Variants in KLHL31 observed in about 807,000 individuals in gnomAD.
KLHL31 encodes kelch-like protein 31.
A neutral mutation model predicts 47.1 loss-of-function variants in KLHL31; 32 were observed. The ratio of observed to expected loss-of-function variants is 0.68; its 90% CI spans 0.51 to 0.91. The LOEUF is 0.91. KLHL31 is among the 40% of genes least tolerant of loss of function. The pLI, the probability that KLHL31 is intolerant of heterozygous loss-of-function variation, is 0.00. For synonymous variants in KLHL31, 330 were observed against 325.1 expected (o/e 1.01, Z -0.16); for missense variants, 797 against 819.3 (o/e 0.97, Z 0.33).
chr6:53,659,007 A>G (rs908793177), intron 1 of KLHL31, among the ~76,000 whole-genome samples: 1 of 152,228 alleles, frequency 6.6e-6, no homozygotes, highest in Non-Finnish European at 1.5e-5. Flanking sequence ...TCTAATGAGG[A>G]GCCTGTAACA....
intron 1 of KLHL31, among the ~76,000 whole-genome samples, chr6:53,657,778 G>A (rs545050949): frequency 2.0e-5 from 3 of 152,102 alleles, no homozygotes; most frequent in African/African-American, 7.2e-5. Context: ...TATTGTATTT[G>A]CTCCTGTTCC....
At position 53,648,584 on chromosome 6, in the gene KLHL31, C is replaced by G. The variant is rs1764425480; in HGVS notation, c.*3014G>C. The G allele has an allele frequency of 1.3e-5, 2 of 152,162 alleles. No homozygotes were observed. Among genetic ancestry groups the G allele is most frequent in the African/African-American group, 2.4e-5 (1 of 41,440 alleles). The allele number at this position is 152,162 out of a possible 1,614,324, so 9.4% of individuals were successfully genotyped here. A position where few individuals can be genotyped will look rare whatever the true frequency, so the allele number is the denominator to read the frequency against. On this transcript the variant is annotated 3_prime_UTR_variant, in exon 3 of 3. Transcript: ENST00000370905. ...TTAAATCATAGAACCATTCAGTACT[C>G]ACTTCCTCATGACATCAATTATACC...
At position 53,654,482 on chromosome 6, in the gene KLHL31, G is replaced by A. The variant is rs114471301; in HGVS notation, c.791C>T (p.Ser264Phe). 1.2e-6 allele frequency: 2 copies of A among 1,614,198 alleles called. No individual in the cohort carries two copies. Among genetic ancestry groups the A allele is most frequent in the East Asian group, 2.2e-5 (1 of 44,886 alleles). ...LLSNIRFGTI[S>F]AQDLVNYVQS... Reference sequence around the variant, plus strand: ...AACATAATTGACCAGGTCTTGTGCAGAGATGGTACCAAAGCGAATATTGCT... The same window carrying A: ...AACATAATTGACCAGGTCTTGTGCAAAGATGGTACCAAAGCGAATATTGCT... Residue 264 changes from serine (S) to phenylalanine (F), a missense_variant, in exon 2 of 3, where the codon TCT becomes TTT. Transcript: ENST00000370905.
intron 2 of KLHL31, among the ~76,000 whole-genome samples, chr6:53,652,556 C>G (rs1764492979): frequency 6.6e-6 from 1 of 152,182 alleles, no homozygotes; most frequent in Non-Finnish European, 1.5e-5. Flanking sequence ...CGTTTATAAG[C>G]CTCTCCTCCG....
At position 53,651,729 on chromosome 6, in the gene KLHL31, T is replaced by G; in HGVS notation, c.1774A>C (p.Asn592His). 6.2e-7 allele frequency: 1 copy of G among 1,614,172 alleles called. No individual in the cohort carries two copies. The highest frequency in any genetic ancestry group is 8.5e-7 in the Non-Finnish European group (1 of 1,180,018). Residue 592 changes from asparagine (N) to histidine (H), a missense_variant, in exon 3 of 3, where the codon AAC becomes CAC. Physicochemically the swap from Asn to His is moderately conservative, Grantham distance 68. Transcript: ENST00000370905. ...KCIQCFSPEL[N>H]EWTEDDELPE... ...AGCTCGTCGTCCTCCGTCCACTCGT[T>G]GAGCTCGGGGCTGAAGCACTGGATG... is the stretch of plus-strand genomic sequence containing the variant.
At chr6:53,653,808 C>T (rs1282461699) in intron 2 of KLHL31, among the ~76,000 whole-genome samples, 2 of 152,048 alleles carry the variant, frequency 1.3e-5, no homozygotes, top group South Asian at 2.1e-4. Context: ...TGTGAATTGC[C>T]GCTTACTGGT....
intron 1 of KLHL31, among the ~76,000 whole-genome samples, chr6:53,656,631 G>A (rs1764565495): frequency 6.6e-6 from 1 of 151,982 alleles, no homozygotes; most frequent in African/African-American, 2.4e-5. Context: ...ACTTGTAATG[G>A]CAGCATTAGG....
rs1229245836 is a variant in KLHL31, at chr6:53,651,409, A to AAAAAAG, written c.*188_*189insCTTTTT. On this transcript the variant is annotated 3_prime_UTR_variant, in exon 3 of 3. Transcript: ENST00000370905. ...TGCCCTGTATTTTGCTAAAAAAAAA[A>AAAAAAG]AAAAAAAAAAGAGGTAGATTATGCC... 19 of 278,342 alleles carry AAAAAAG rather than the reference A, an allele frequency of 6.8e-5. 4 individuals are homozygous for AAAAAAG. In the East Asian group the frequency reaches 1.0e-3, roughly 15 times the overall value. The allele number at this position is 278,342 out of a possible 1,614,324, so 17.2% of individuals were successfully genotyped here.
Position 53,655,214 on chromosome 6 carries a change from A to G in KLHL31, c.59T>C (p.Ile20Thr). 1 of 1,606,868 alleles carries G rather than the reference A, an allele frequency of 6.2e-7. No homozygotes were observed. The highest frequency in any genetic ancestry group is 1.7e-5 in the Admixed American group (1 of 57,942). ...GTTTAGGGGGCTATCTTCTACGATTATAGTCATCTCATTGATATCTCCTTT... is the reference window on the plus strand; with the variant it reads ...GTTTAGGGGGCTATCTTCTACGATTGTAGTCATCTCATTGATATCTCCTTT... The part of the protein sequence containing the change: ...KNKGDINEMT[I>T]IVEDSPLNKL... Residue 20 changes from isoleucine (I) to threonine (T), a missense_variant, in exon 2 of 3, where the codon ATA becomes ACA. Transcript: ENST00000370905.
At position 53,649,976 on chromosome 6, in the gene KLHL31, T is replaced by C. The variant is rs1764441939; in HGVS notation, c.*1622A>G. On this transcript the variant is annotated 3_prime_UTR_variant, in exon 3 of 3. Transcript: ENST00000370905. ...AAATATCCAGAGATTGAACTTTTCA[T>C]CGGGGTAATGATATAAAATTGTTCC... 1 of 152,216 alleles carries C rather than the reference T, an allele frequency of 6.6e-6. No homozygotes were observed. The highest frequency in any genetic ancestry group is 1.5e-5 in the Non-Finnish European group (1 of 68,022). The allele number at this position is 152,216 out of a possible 1,614,324, so 9.4% of individuals were successfully genotyped here.
At chr6:53,658,746 G>A (rs1555904) in intron 1 of KLHL31, among the ~76,000 whole-genome samples, 150,716 of 152,300 alleles carry the variant, frequency 0.99, 74,602 homozygotes, top group Middle Eastern at 1. Flanking sequence ...ATCTAGGAAA[G>A]CCATTTAATT....
chr6:53,664,452 C>A (rs144644419), intron 1 of KLHL31, among the ~76,000 whole-genome samples: 6 of 152,238 alleles, frequency 3.9e-5, no homozygotes, highest in African/African-American at 1.4e-4. Context: ...AGATCCATAA[C>A]CCGAAATAGA....
At chr6:53,664,286 GA>G (rs1183933760) in intron 1 of KLHL31, among the ~76,000 whole-genome samples, 2 of 152,194 alleles carry the variant, frequency 1.3e-5, no homozygotes, top group Non-Finnish European at 2.9e-5. Context: ...TAGCTTACCT[GA>G]AATTCAAATG....
Position 53,650,497 on chromosome 6 carries a change from C to T in KLHL31, c.*1101G>A, listed in dbSNP as rs1764448402. On this transcript the variant is annotated 3_prime_UTR_variant, in exon 3 of 3. Transcript: ENST00000370905. Reference sequence around the variant, plus strand: ...ATCCATATTAAATGGGAAACAATGGCATTTATCAACAGGAGAACCCATTCA... The same window carrying T: ...ATCCATATTAAATGGGAAACAATGGTATTTATCAACAGGAGAACCCATTCA... 1 of 152,196 alleles carries T rather than the reference C, an allele frequency of 6.6e-6. No individual in the cohort carries two copies. Among genetic ancestry groups the T allele is most frequent in the Non-Finnish European group, 1.5e-5 (1 of 68,034 alleles). 9.4% of individuals were successfully genotyped at this position (152,196 alleles called of 1,614,324 possible).
chr6:53,658,256 T>C, intron 1 of KLHL31, among the ~76,000 whole-genome samples: 1 of 131,006 alleles, frequency 7.6e-6, no homozygotes, highest in East Asian at 2.3e-4. Flanking sequence ...CCTGTCTGTG[T>C]TCCTGGAAGA....
chr6:53,663,630 T>C (rs1487119870), intron 1 of KLHL31, among the ~76,000 whole-genome samples: 1 of 152,254 alleles, frequency 6.6e-6, no homozygotes, highest in African/African-American at 2.4e-5. Flanking sequence ...CTATAAAGTA[T>C]ACAGACTCTA....
chr6:53,663,101 A>G (rs1177574138), intron 1 of KLHL31, among the ~76,000 whole-genome samples: 1 of 152,204 alleles, frequency 6.6e-6, no homozygotes, highest in Non-Finnish European at 1.5e-5. Flanking sequence ...AACTTGTCCA[A>G]TATCACATAA....
rs1024042777 is a variant in KLHL31, at chr6:53,649,174, A to G, written c.*2424T>C. 6.6e-6 allele frequency: 1 copy of G among 152,148 alleles called. No individual in the cohort carries two copies. Among genetic ancestry groups the G allele is most frequent in the Non-Finnish European group, 1.5e-5 (1 of 67,980 alleles). The allele number at this position is 152,148 out of a possible 1,614,324, so 9.4% of individuals were successfully genotyped here. On this transcript the variant is annotated 3_prime_UTR_variant, in exon 3 of 3. Coordinates refer to ENST00000370905, the MANE Select transcript of KLHL31 (RefSeq NM_001003760.5). ...ATGAAAGTGGACACATATTATTTTG[A>G]TTCTGCATACTTTTATGTCTTTCAA...
chr6:53,657,608 TTTTGTG>T (rs1764581327), intron 1 of KLHL31, among the ~76,000 whole-genome samples: 1 of 96,330 alleles, frequency 1.0e-5, no homozygotes, highest in Non-Finnish European at 2.2e-5. Flanking sequence ...TTTGTTTTTG[TTTTGTG>T]TGTGTGTGTG....
Sources: gnomAD v4.1 joint callset for allele counts (sites outside exome capture counted in the v4.1 genomes callset) on GRCh38, gnomAD v4.1.1 for gene constraint, MANE v1.5 for transcripts, NCBI Gene and HGNC (gene_info 2026-07-23, HGNC 2026-07-21) for gene names.